The following FREM3 variants were observed in gnomAD, a reference collection of about 807,000 sequenced individuals.
FREM3 encodes FRAS1 related extracellular matrix 3.
In FREM3, 105 loss-of-function variants were observed where a neutral mutation model predicts 129.1. The ratio of observed to expected loss-of-function variants is 0.81; its 90% CI spans 0.69 to 0.96. The LOEUF (loss-of-function observed/expected upper bound fraction) is 0.96. Ranked by LOEUF, FREM3 falls within the 40% of genes least tolerant of loss-of-function variation. The pLI is 0.00. For missense variants in FREM3, 2,593 were observed against 2,666.3 expected (o/e 0.97, Z 0.61); for synonymous variants, 1,014 against 1,044.9 (o/e 0.97, Z 0.57).
At chr4:143,658,208 A>G (rs1739634758) in intron 2 of FREM3, among the ~76,000 whole-genome samples, 1 of 152,128 alleles carries the variant, frequency 6.6e-6, no homozygotes. Flanking sequence ...CCAACCCCAA[A>G]CGAGATGGTA....
intron 2 of FREM3, among the ~76,000 whole-genome samples, chr4:143,629,914 C>T (rs1739108200): frequency 6.6e-6 from 1 of 152,130 alleles, no homozygotes; most frequent in Admixed American, 6.6e-5. Context: ...ACAAACGCTT[C>T]AAAAGCAAAG....
chr4:143,586,095 C>A, intron 6 of FREM3, 102 bp from the exon 7 acceptor site: 1 of 1,139,960 alleles, frequency 8.8e-7, no homozygotes, highest in Non-Finnish European at 1.2e-6. Context: ...AATTGTCAGA[C>A]ATGACAGATC....
intron 6 of FREM3, among the ~76,000 whole-genome samples, chr4:143,590,078 C>G (rs896649437): frequency 3.3e-5 from 5 of 152,038 alleles, no homozygotes; most frequent in Non-Finnish European, 5.9e-5. Context: ...GATTTTTGCA[C>G]ATTGATTTTG....
chr4:143,618,923 C>G (rs531340039), intron 5 of FREM3, among the ~76,000 whole-genome samples: 1 of 152,034 alleles, frequency 6.6e-6, no homozygotes, highest in Non-Finnish European at 1.5e-5. Context: ...TACCAAGAAA[C>G]CAACAACAAA....
chr4:143,609,907 A>G (rs533864138), intron 6 of FREM3, among the ~76,000 whole-genome samples: 3 of 152,214 alleles, frequency 2.0e-5, no homozygotes, highest in Non-Finnish European at 4.4e-5. Flanking sequence ...GAAACTGGAA[A>G]ATCAAGGCTA....
At chr4:143,578,609 T>C (rs546929812) in intron 7 of FREM3, among the ~76,000 whole-genome samples, 1 of 152,132 alleles carries the variant, frequency 6.6e-6, no homozygotes, top group Non-Finnish European at 1.5e-5. Context: ...ACACCACCAG[T>C]AATGGGATAA....
At position 143,627,738 on chromosome 4, in the gene FREM3, C is replaced by T; in HGVS notation, c.5298G>A (p.Gln1766=). 1 of 1,535,592 alleles carries T rather than the reference C, an allele frequency of 6.5e-7. No individual in the cohort carries two copies. The highest frequency in any genetic ancestry group is 2.4e-5 in the East Asian group (1 of 40,870). ...TCCAAGCCCAGTTTAGATGGAAAGG[C>T]TGATTTGTTAGTTTATTTCCTCCTG... ...EDNGGNKLTN[Q]PFHLNWAWIC... Residue 1766 remains glutamine, a synonymous_variant, in exon 3 of 8, where the codon CAG becomes CAA. Transcript: ENST00000329798.
At position 143,693,211 on chromosome 4, in the gene FREM3, A is replaced by C. The variant is rs1578872831; in HGVS notation, c.5186-9T>G. 6 of 1,457,606 alleles carry C rather than the reference A, an allele frequency of 4.1e-6. No homozygotes were observed. Among genetic ancestry groups the C allele is most frequent in the Non-Finnish European group, 5.5e-6 (6 of 1,093,174 alleles). The allele number at this position is 1,457,606 out of a possible 1,614,324, so 90.3% of individuals were successfully genotyped here. ...CATCTCATCAATGTCAGCTAAAAAA[A>C]AAGCAACCATCACACAAAGTCATAT... On this transcript the variant is annotated splice_polypyrimidine_tract_variant and intron_variant, in intron 1 of 7. Transcript: ENST00000329798.
chr4:143,630,170 C>T (rs528265625), intron 2 of FREM3, among the ~76,000 whole-genome samples: 1 of 152,142 alleles, frequency 6.6e-6, no homozygotes, highest in East Asian at 1.9e-4. Context: ...GCATTATGTG[C>T]TCAATAGGAT....
At chr4:143,613,220 G>A (rs1193924202) in intron 5 of FREM3, among the ~76,000 whole-genome samples, 1 of 152,224 alleles carries the variant, frequency 6.6e-6, no homozygotes, top group East Asian at 1.9e-4. Flanking sequence ...AATTGTTAGA[G>A]CTGGAGAGTT....
intron 2 of FREM3, among the ~76,000 whole-genome samples, chr4:143,682,004 G>T (rs1740260199): frequency 6.6e-6 from 1 of 152,114 alleles, no homozygotes; most frequent in South Asian, 2.1e-4. Context: ...TTATAAGTAG[G>T]CAGAGAAAAA....
chr4:143,599,752 A>C (rs988968972), intron 6 of FREM3, among the ~76,000 whole-genome samples: 3 of 116,354 alleles, frequency 2.6e-5, no homozygotes, highest in African/African-American at 1.1e-4. Context: ...AGGATGAGGG[A>C]AAGGGTCTAT....
intron 6 of FREM3, among the ~76,000 whole-genome samples, chr4:143,610,857 C>T (rs1054974341): frequency 1.3e-5 from 2 of 152,130 alleles, no homozygotes; most frequent in African/African-American, 4.8e-5. Context: ...GGTCCAGATG[C>T]TGACACACTG....
chr4:143,591,855 T>G lies in FREM3; in HGVS notation c.6029-5862A>C, dbSNP rs189129194. Reference sequence around the variant, plus strand: ...GACAGTCGGGTGTTAAAGTCTCCCATTATTATTGTGTGGGAGTCTAAGTCT... The same window carrying G: ...GACAGTCGGGTGTTAAAGTCTCCCAGTATTATTGTGTGGGAGTCTAAGTCT... On this transcript the variant is annotated intron_variant, in intron 6 of 7. Coordinates refer to ENST00000329798, the MANE Select transcript of FREM3 (RefSeq NM_001168235.2). Among the ~76,000 whole-genome samples, 501 of 152,300 alleles carry G rather than the reference T, an allele frequency of 3.3e-3. 5 individuals carry two copies. Among genetic ancestry groups the G allele is most frequent in the African/African-American group, 0.012 (491 of 41,562 alleles).
chr4:143,649,464 A>T (rs746473004), intron 2 of FREM3, among the ~76,000 whole-genome samples: 3 of 152,226 alleles, frequency 2.0e-5, no homozygotes, highest in African/African-American at 4.8e-5. Context: ...TACTCATACC[A>T]ACCCAGGGAA....
Position 143,697,727 on chromosome 4 carries a change from C to A in FREM3, c.2949G>T (p.Met983Ile). The A allele has an allele frequency of 6.5e-7, 1 of 1,537,674 alleles. No individual in the cohort carries two copies. Among genetic ancestry groups the A allele is most frequent in the Non-Finnish European group, 8.7e-7 (1 of 1,147,004 alleles). Residue 983 changes from methionine (M) to isoleucine (I), a missense_variant, in exon 1 of 8, where the codon ATG becomes ATT. Physicochemically the swap from Met to Ile is conservative, Grantham distance 10. Around this residue, in one of 2 missense-constraint regions of FREM3, gnomAD observed 2,276 missense variants for 2,267.2 expected, o/e 1.00. Transcript: ENST00000329798. Reference sequence around the variant, plus strand: ...GGCTGTCCTTTACAATGAAAGACAGCATCAAGTCACCTACATCCTTCCTTT... The same window carrying A: ...GGCTGTCCTTTACAATGAAAGACAGAATCAAGTCACCTACATCCTTCCTTT... ...HGKRKDVGDLMLSFIVKDSPK... is the reference protein window; with the variant it reads ...HGKRKDVGDLILSFIVKDSPK...
At chr4:143,579,322 G>A (rs1187920181) in intron 7 of FREM3, among the ~76,000 whole-genome samples, 2 of 152,110 alleles carry the variant, frequency 1.3e-5, no homozygotes, top group South Asian at 2.1e-4. Flanking sequence ...GTATGGTGGT[G>A]AGTGCCTGTA....
rs191523873 is a variant in FREM3 at position 143,616,749 on chromosome 4, C to T, written c.5779+4288G>A. 2.2e-3 allele frequency among the ~76,000 whole-genome samples: 335 copies of T among 150,952 alleles called. 2 individuals are homozygous for T. The highest frequency in any genetic ancestry group is 7.8e-3 in the African/African-American group (316 of 40,646). On this transcript the variant is annotated intron_variant, in intron 5 of 7. Coordinates refer to ENST00000329798, the MANE Select transcript of FREM3 (RefSeq NM_001168235.2). ...CGGAGCTTGCAGTGAGCCAAGACGG[C>T]GACACTGCACTCCAGCCTGGGCAAC... is the stretch of plus-strand genomic sequence containing the variant.
intron 2 of FREM3, among the ~76,000 whole-genome samples, chr4:143,665,962 C>G (rs974290380): frequency 6.6e-6 from 1 of 152,074 alleles, no homozygotes; most frequent in African/African-American, 2.4e-5. Context: ...ACATTTTGTT[C>G]TGAAAGCATT....
Sources: allele counts gnomAD v4.1 joint callset (sites outside exome capture counted in the v4.1 genomes callset), GRCh38; gene constraint gnomAD v4.1.1; regional missense constraint gnomAD v4.1.1; transcripts MANE v1.5; gene names NCBI Gene and HGNC (gene_info 2026-07-23, HGNC 2026-07-21).